The following SLC4A4 variants were observed in gnomAD, a reference collection of about 807,000 sequenced individuals.
The protein encoded by SLC4A4 is solute carrier family 4 member 4.
Under a neutral mutation model 111.5 loss-of-function variants are expected in SLC4A4, and 27 were observed. The observed-to-expected ratio is 0.24, with a 90% CI of 0.18 to 0.33. SLC4A4 has a LOEUF of 0.33. Among genes scored for constraint, SLC4A4 ranks in the 10% least tolerant of loss-of-function variants. SLC4A4 has a pLI of 1.00. For missense variants in SLC4A4, 909 were observed against 1,315.5 expected, an observed-to-expected ratio of 0.69 and a Z score of 4.78; for synonymous variants, 443 against 463.4, an observed-to-expected ratio of 0.96 and a Z score of 0.57.
intron 2 of SLC4A4, among the ~76,000 whole-genome samples, chr4:71,099,872 G>A (rs1742671248): frequency 6.6e-6 from 1 of 152,068 alleles, no homozygotes; most frequent in Admixed American, 6.6e-5. Flanking sequence ...ATAAATTCCT[G>A]GCTACATATA....
chr4:71,558,552 T>C (rs1736672883), intron 22 of SLC4A4, among the ~76,000 whole-genome samples: 1 of 151,958 alleles, frequency 6.6e-6, no homozygotes, highest in Non-Finnish European at 1.5e-5. Flanking sequence ...CTGAATTTTA[T>C]ACTTTACCAT....
chr4:71,094,764 T>C (rs1742492556), intron 2 of SLC4A4, among the ~76,000 whole-genome samples: 1 of 152,012 alleles, frequency 6.6e-6, no homozygotes, highest in Non-Finnish European at 1.5e-5. Flanking sequence ...TGTTAAAGTA[T>C]GTGTGTGGTT....
intron 2 of SLC4A4, among the ~76,000 whole-genome samples, chr4:71,109,559 T>C (rs1743033759): frequency 6.6e-6 from 1 of 151,808 alleles, no homozygotes; most frequent in African/African-American, 2.4e-5. Context: ...CCTTTTTTTT[T>C]TTGAGAGGAG....
chr4:71,210,532 G>T (rs1023283468), intron 1 of SLC4A4, among the ~76,000 whole-genome samples: 1 of 151,966 alleles, frequency 6.6e-6, no homozygotes. Flanking sequence ...TTTTCTTATC[G>T]GTTATTTCTC....
chr4:71,089,232 T>C (rs968540158), intron 1 of SLC4A4, among the ~76,000 whole-genome samples: 1 of 152,070 alleles, frequency 6.6e-6, no homozygotes, highest in African/African-American at 2.4e-5. Flanking sequence ...TTTTGTGCCA[T>C]GGTTTTCAGC....
intron 16 of SLC4A4, among the ~76,000 whole-genome samples, chr4:71,508,453 C>T (rs1731615997): frequency 6.6e-6 from 1 of 151,904 alleles, no homozygotes; most frequent in Non-Finnish European, 1.5e-5. Flanking sequence ...AGAATATTAT[C>T]CCTTAATAGT....
At position 71,225,277 on chromosome 4, in the gene SLC4A4, A is replaced by G. The variant is rs190045150; in HGVS notation, c.-1-11299A>G. 6.6e-3 allele frequency among the ~76,000 whole-genome samples: 1,007 copies of G among 152,120 alleles called. 2 individuals are homozygous for G. The highest frequency in any genetic ancestry group is 9.3e-3 in the Non-Finnish European group (630 of 67,974). On this transcript the variant is annotated intron_variant, in intron 1 of 25. Coordinates refer to ENST00000264485, the MANE Select transcript of SLC4A4 (RefSeq NM_001098484.3). ...TGAGGCAGGAGAATCGTTTGAACCC[A>G]GGAGGTGGAGGTTGCGGTGAGCTGA...
intron 20 of SLC4A4, among the ~76,000 whole-genome samples, chr4:71,552,878 A>T (rs1560615029): frequency 1.3e-5 from 2 of 151,790 alleles, no homozygotes; most frequent in Non-Finnish European, 2.9e-5. Context: ...GGTTTAACTT[A>T]AGATGGAGTT....
At chr4:71,352,482 A>T (rs1729930651) in intron 5 of SLC4A4, among the ~76,000 whole-genome samples, 1 of 152,198 alleles carries the variant, frequency 6.6e-6, no homozygotes, top group Admixed American at 6.5e-5. Flanking sequence ...CTCTATGGGA[A>T]GATGTCATAT....
intron 2 of SLC4A4, 55 bp downstream of exon 2, chr4:71,236,704 T>C: frequency 7.2e-7 from 1 of 1,383,576 alleles, no homozygotes; most frequent in Non-Finnish European, 1.0e-6. Flanking sequence ...TCTCTATAGA[T>C]AATAACATTC....
chr4:71,320,841 T>C (rs1017288075), intron 3 of SLC4A4, among the ~76,000 whole-genome samples: 1 of 152,040 alleles, frequency 6.6e-6, no homozygotes, highest in Admixed American at 6.6e-5. Context: ...CCCCAAGCCT[T>C]AGAAGTGACT....
chr4:71,111,115 T>C (rs1743073054), intron 2 of SLC4A4, among the ~76,000 whole-genome samples: 2 of 152,168 alleles, frequency 1.3e-5, no homozygotes, highest in African/African-American at 2.4e-5. Context: ...AAAAATTATT[T>C]AATCTCATGA....
At chr4:71,213,314 G>A (rs1034932146) in intron 1 of SLC4A4, among the ~76,000 whole-genome samples, 2 of 152,192 alleles carry the variant, frequency 1.3e-5, no homozygotes, top group Non-Finnish European at 2.9e-5. Flanking sequence ...ACCTCATAAA[G>A]TATTGGCTCA....
chr4:71,178,934 A>G (rs1745190701), intron 2 of SLC4A4, among the ~76,000 whole-genome samples: 2 of 152,350 alleles, frequency 1.3e-5, no homozygotes, highest in South Asian at 4.1e-4. Flanking sequence ...TCCCTGATGA[A>G]CATCGATGCA....
At chr4:71,241,817 A>G (rs1720249537) in intron 2 of SLC4A4, among the ~76,000 whole-genome samples, 1 of 152,232 alleles carries the variant, frequency 6.6e-6, no homozygotes, top group Non-Finnish European at 1.5e-5. Flanking sequence ...GAGGTTTTTA[A>G]AAGTTGGTAC....
intron 16 of SLC4A4, among the ~76,000 whole-genome samples, chr4:71,503,121 A>G (rs1731096712): frequency 6.6e-6 from 1 of 151,990 alleles, no homozygotes; most frequent in Admixed American, 6.6e-5. Context: ...TATATTTTAT[A>G]TGGATACCTC....
In SLC4A4 at chr4:71,423,965, G is replaced by A. The variant is rs576193129; in HGVS notation, c.808-16651G>A. ...TCATGTCTAAAACACCAAAAGCAATGGCAACAAAAGCCAAAATTGACAAAT... is the reference window on the plus strand; with the variant it reads ...TCATGTCTAAAACACCAAAAGCAATAGCAACAAAAGCCAAAATTGACAAAT... On this transcript the variant is annotated intron_variant, in intron 7 of 25. Transcript: ENST00000264485. Among the ~76,000 whole-genome samples the A allele has an allele frequency of 3.3e-5, 5 of 152,076 alleles. No individual in the cohort carries two copies. In the South Asian group the frequency reaches 8.4e-4, roughly 25 times the overall value.
intron 4 of SLC4A4, 141 bp from the exon 5 acceptor site, chr4:71,349,771 T>A: frequency 1.4e-6 from 1 of 729,464 alleles, no homozygotes; most frequent in Non-Finnish European, 2.4e-6. Flanking sequence ...ATGTAATTAA[T>A]GATCTAATAA....
chr4:71,125,718 A>C (rs1743543677), intron 2 of SLC4A4, among the ~76,000 whole-genome samples: 1 of 152,246 alleles, frequency 6.6e-6, no homozygotes, highest in South Asian at 2.1e-4. Context: ...GTATCAAGGC[A>C]TTAAATTAGC....
Sources: gnomAD v4.1 joint callset for allele counts (sites outside exome capture counted in the v4.1 genomes callset) on GRCh38, gnomAD v4.1.1 for gene constraint, MANE v1.5 for transcripts, NCBI Gene and HGNC (gene_info 2026-07-23, HGNC 2026-07-21) for gene names.